The following KLHL29 variants were observed in gnomAD, a reference collection of about 807,000 sequenced individuals.
KLHL29 encodes the protein kelch-like protein 29.
KLHL29 carries 21 observed loss-of-function variants against 80.4 expected under a neutral mutation model. That is an observed-to-expected ratio of 0.26 (90% CI 0.19 to 0.38). The LOEUF (loss-of-function observed/expected upper bound fraction) is 0.38, where lower values mean the gene tolerates loss of function less well. Ranked by LOEUF, KLHL29 falls within the 10% of genes least tolerant of loss-of-function variation. The probability of loss-of-function intolerance (pLI) is 1.00; values close to 1 mark genes in which losing one functional copy is unlikely to be tolerated. For synonymous variants in KLHL29, 511 were observed against 526.8 expected (o/e 0.97, Z 0.41); for missense variants, 867 against 1,223.9 (o/e 0.71, Z 4.35).
At chr2:23,433,643 G>A (rs1663248857) in intron 1 of KLHL29, among the ~76,000 whole-genome samples, 1 of 152,214 alleles carries the variant, frequency 6.6e-6, no homozygotes, top group South Asian at 2.1e-4. Flanking sequence ...GCTGGGCAGG[G>A]TGGCTTACAC....
intron 5 of KLHL29, among the ~76,000 whole-genome samples, chr2:23,665,407 A>C (rs1297455737): frequency 6.6e-6 from 1 of 152,206 alleles, no homozygotes; most frequent in Non-Finnish European, 1.5e-5. Flanking sequence ...CTAGTCATTC[A>C]AATTCCATCA....
intron 2 of KLHL29, among the ~76,000 whole-genome samples, chr2:23,548,847 C>G (rs376754179): frequency 2.6e-5 from 4 of 152,146 alleles, no homozygotes; most frequent in Non-Finnish European, 5.9e-5. Flanking sequence ...TTGAGTCTTC[C>G]GGGGGCTATG....
intron 1 of KLHL29, among the ~76,000 whole-genome samples, chr2:23,438,568 TC>T (rs1413272196): frequency 8.0e-5 from 12 of 150,660 alleles, no homozygotes; most frequent in African/African-American, 2.7e-4. Flanking sequence ...ATTGAGATAG[TC>T]ATGTGGTTTT....
Position 23,684,357 on chromosome 2 carries a change from C to G in KLHL29, c.941-42C>G, listed in dbSNP as rs950102147. The G allele has an allele frequency of 2.3e-6, 3 of 1,316,196 alleles. No individual in the cohort carries two copies. Among genetic ancestry groups the G allele is most frequent in the Non-Finnish European group, 2.9e-6 (3 of 1,017,436 alleles). 81.5% of individuals were successfully genotyped at this position (1,316,196 alleles called of 1,614,324 possible). A position where few individuals can be genotyped will look rare whatever the true frequency, so the allele number is the denominator to read the frequency against. ...TTTTTTAATTAAAAAAAAAAAAACT[C>G]TTAATGGGAACCTGGCCCTGTCTGT... On this transcript the variant is annotated intron_variant, in intron 5 of 13. Transcript: ENST00000486442. The surrounding 1 kb of genome is among the most constrained non-coding windows in gnomAD (Gnocchi z 4.4).
rs1419768220 is a variant in KLHL29 at position 23,647,714 on chromosome 2, A to G, written c.940+4864A>G. ...CAACAACCCAGTTGCTCTGGGGACAACGGCCAGCGCTGACTCGGTGCTTGC... is the reference window on the plus strand; with the variant it reads ...CAACAACCCAGTTGCTCTGGGGACAGCGGCCAGCGCTGACTCGGTGCTTGC... On this transcript the variant is annotated intron_variant, in intron 5 of 13. Transcript: ENST00000486442. The surrounding 1 kb of genome is among the most constrained non-coding windows in gnomAD (Gnocchi z 4.9). 1.3e-5 allele frequency among the ~76,000 whole-genome samples: 2 copies of G among 151,884 alleles called. No homozygotes were observed. The highest frequency in any genetic ancestry group is 1.3e-4 in the Admixed American group (2 of 15,268).
chr2:23,703,411 C>G lies in KLHL29; in HGVS notation c.2299+32C>G, dbSNP rs971417281. On this transcript the variant is annotated intron_variant, in intron 12 of 13. Coordinates refer to ENST00000486442, the MANE Select transcript of KLHL29 (RefSeq NM_052920.2). Reference sequence around the variant, plus strand: ...ACCAGCGGTGTCCTCAGCCCAGGGCCAGGGTCGCATCCCTGCCTTGCTGAT... The same window carrying G: ...ACCAGCGGTGTCCTCAGCCCAGGGCGAGGGTCGCATCCCTGCCTTGCTGAT... 3.5e-6 allele frequency: 5 copies of G among 1,435,046 alleles called. No individual in the cohort carries two copies. In the African/African-American group the frequency reaches 4.3e-5, roughly 12 times the overall value. 88.9% of individuals were successfully genotyped at this position (1,435,046 alleles called of 1,614,324 possible).
intron 3 of KLHL29, among the ~76,000 whole-genome samples, chr2:23,567,824 C>T (rs1667627858): frequency 6.6e-6 from 1 of 152,244 alleles, no homozygotes; most frequent in Non-Finnish European, 1.5e-5. Flanking sequence ...AATTTCCAGA[C>T]TGCAAGTGAT....
At chr2:23,701,576 G>A (rs1459680210) in intron 11 of KLHL29, among the ~76,000 whole-genome samples, 3 of 152,068 alleles carry the variant, frequency 2.0e-5, no homozygotes, top group Non-Finnish European at 4.4e-5. Context: ...AGCCAGGCAT[G>A]ATGGTGCACA....
chr2:23,459,434 A>C (rs1271745999), intron 1 of KLHL29, among the ~76,000 whole-genome samples: 2 of 152,064 alleles, frequency 1.3e-5, no homozygotes, highest in Non-Finnish European at 2.9e-5. Flanking sequence ...GGAAGAAGAG[A>C]ATGGAGTAAA....
intron 2 of KLHL29, among the ~76,000 whole-genome samples, chr2:23,530,444 A>G (rs1450860845): frequency 6.6e-6 from 1 of 152,220 alleles, no homozygotes; most frequent in Non-Finnish European, 1.5e-5. Flanking sequence ...GAGAGATGTC[A>G]ATTAGAGCCA....
chr2:23,684,520 CA>C lies in KLHL29; in HGVS notation c.1064del (p.Lys355ArgfsTer3). On this transcript the variant is annotated frameshift_variant, in exon 6 of 14. Transcript: ENST00000486442. LOFTEE classifies it high-confidence loss of function. This position sits in a 1 kb window ranked among gnomAD's most constrained non-coding sequence, Gnocchi z 4.4. ...TTCTAGCTTCCTGCAGCTTGTATTT[CA>C]AGGACCTGATTCAAAGGTTTGCCTT... The part of the protein sequence containing the change: ...NVLASCSLYF[K>X]DLIQRSVQDS... 1 of 1,549,082 alleles carries C rather than the reference CA, an allele frequency of 6.5e-7. No individual in the cohort carries two copies. The highest frequency in any genetic ancestry group is 8.7e-7 in the Non-Finnish European group (1 of 1,146,370).
chr2:23,396,585 G>C (rs1385647362), intron 1 of KLHL29, among the ~76,000 whole-genome samples: 1 of 152,186 alleles, frequency 6.6e-6, no homozygotes, highest in Non-Finnish European at 1.5e-5. Context: ...GAGGCTGCGT[G>C]CAGTGCGCTT....
Position 23,639,231 on chromosome 2 carries a change from G to T in KLHL29, c.378G>T (p.Trp126Cys). The T allele has an allele frequency of 2.6e-6, 4 of 1,548,982 alleles. No individual in the cohort carries two copies. In the South Asian group the frequency reaches 3.6e-5, roughly 14 times the overall value. ...GQTPINQSTPWDTDEPPSKQM... is the reference protein window; with the variant it reads ...GQTPINQSTPCDTDEPPSKQM... ...CGCCTATCAATCAGTCCACACCCTG[G>T]GACACTGATGAGCCACCCTCCAAAC... The change falls in exon 4 of 14, where the codon TGG becomes TGT. Residue 126 changes from tryptophan to cysteine, a missense_variant. Around this residue, in one of 2 missense-constraint regions of KLHL29, gnomAD observed 424 missense variants for 456.9 expected, o/e 0.93. Coordinates refer to ENST00000486442, the MANE Select transcript of KLHL29 (RefSeq NM_052920.2).
intron 5 of KLHL29, among the ~76,000 whole-genome samples, chr2:23,677,817 C>A (rs937835487): frequency 6.6e-6 from 1 of 152,192 alleles, no homozygotes; most frequent in Admixed American, 6.5e-5. Context: ...CTTTGCTGGG[C>A]TTTCTCAGTA....
intron 1 of KLHL29, among the ~76,000 whole-genome samples, chr2:23,420,411 GT>G (rs1662765277): frequency 6.6e-6 from 1 of 152,192 alleles, no homozygotes; most frequent in South Asian, 2.1e-4. Context: ...AATGGGGCTT[GT>G]TTTACGGGAG....
At chr2:23,685,235 G>A (rs892768444) in intron 6 of KLHL29, 5 of 77,986 alleles carry the variant, frequency 6.4e-5, no homozygotes, top group Non-Finnish European at 4.9e-5. Context: ...ATTGGTGCAT[G>A]AGCATCTTTT....
intron 2 of KLHL29, among the ~76,000 whole-genome samples, chr2:23,558,393 C>T (rs1006777986): frequency 7.6e-6 from 1 of 130,804 alleles, no homozygotes; most frequent in Non-Finnish European, 1.6e-5. Context: ...TTTACTAGGA[C>T]TGTAAGACAT....
At chr2:23,438,328 C>T (rs1307384485) in intron 1 of KLHL29, among the ~76,000 whole-genome samples, 4 of 150,810 alleles carry the variant, frequency 2.7e-5, no homozygotes, top group African/African-American at 4.9e-5. Flanking sequence ...ATTGCCCTGG[C>T]CAGAACTTCC....
rs539562518 is a variant in KLHL29, at chr2:23,639,413, AG to A, written c.427+138del. Reference sequence around the variant, plus strand: ...CTGCAGAAGCCCCCTCCTCAGGTTCAGGGGGCAAAGGCACTGTGTGTAATTC... The same window carrying A: ...CTGCAGAAGCCCCCTCCTCAGGTTCAGGGGCAAAGGCACTGTGTGTAATTC... On this transcript the variant is annotated intron_variant, in intron 4 of 13. Coordinates refer to ENST00000486442, the MANE Select transcript of KLHL29 (RefSeq NM_052920.2). The A allele has an allele frequency of 5.8e-5, 46 of 796,904 alleles. 1 individual carries two copies. The South Asian group carries it at 8.1e-4, about 14-fold the overall frequency. The allele number at this position is 796,904 out of a possible 1,614,324, so 49.4% of individuals were successfully genotyped here.
Sources: allele counts gnomAD v4.1 joint callset (sites outside exome capture counted in the v4.1 genomes callset), GRCh38; gene constraint gnomAD v4.1.1; regional missense constraint gnomAD v4.1.1; non-coding constraint Gnocchi (gnomAD v3.1); transcripts MANE v1.5; gene names NCBI Gene and HGNC (gene_info 2026-07-23, HGNC 2026-07-21).